The following TTYH2 variants were observed in gnomAD, a reference collection of about 807,000 sequenced individuals.
TTYH2 encodes the protein tweety family member 2, also known as protein tweety homolog 2.
A neutral mutation model predicts 68.3 loss-of-function variants in TTYH2; 49 were observed. The ratio of observed to expected loss-of-function variants is 0.72; its 90% confidence interval spans 0.57 to 0.91. The LOEUF is 0.91. Among genes scored for constraint, TTYH2 ranks in the 40% least tolerant of loss-of-function variants. The probability of loss-of-function intolerance (pLI) is 0.00; values close to 1 mark genes in which losing one functional copy is unlikely to be tolerated. For missense variants in TTYH2, 631 were observed against 700.4 expected (o/e 0.90, Z 1.12); for synonymous variants, 272 against 300.8 (o/e 0.90, Z 0.99).
chr17:74,243,499 A>G (rs774783904), intron 5 of TTYH2, 30 bp downstream of exon 5: 24 of 1,607,018 alleles, frequency 1.5e-5, no homozygotes, highest in Non-Finnish European at 1.9e-5. Flanking sequence ...GACCTGGGAC[A>G]AAGAGCTGGG....
chr17:74,221,259 C>T (rs1305494775), intron 1 of TTYH2, among the ~76,000 whole-genome samples: 1 of 152,248 alleles, frequency 6.6e-6, no homozygotes, highest in Non-Finnish European at 1.5e-5. Flanking sequence ...CCGCATCTCA[C>T]AGGGCTGGCA....
At chr17:74,248,251 CCCTAGAGCACCCCAGG>C in intron 6 of TTYH2, 3 of 985,308 alleles carry the variant, frequency 3.0e-6, no homozygotes, top group Non-Finnish European at 3.6e-6. Flanking sequence ...TTTATCCAGT[CCCTAGAGCACCCCAGG>C]CCAGATCTGG....
chr17:74,251,656 T>TC (rs35417837), intron 10 of TTYH2, among the ~76,000 whole-genome samples: 39,606 of 151,782 alleles, frequency 0.26, 5,601 homozygotes, highest in African/African-American at 0.35. Flanking sequence ...AGTGGCCTCT[T>TC]CCCACTTTCT....
At chr17:74,242,946 A>G (rs2143759173) in intron 4 of TTYH2, among the ~76,000 whole-genome samples, 2 of 152,320 alleles carry the variant, frequency 1.3e-5, no homozygotes, top group South Asian at 4.1e-4. Flanking sequence ...CCAGGGTGGT[A>G]GCCCCAGCCA....
chr17:74,242,623 C>A (rs570202106), intron 4 of TTYH2, among the ~76,000 whole-genome samples: 1 of 152,314 alleles, frequency 6.6e-6, no homozygotes, highest in Non-Finnish European at 1.5e-5. Context: ...GAACTCCTGG[C>A]CTCAAGTGAT....
chr17:74,260,538 G>T lies in TTYH2; in HGVS notation c.*329G>T, dbSNP rs757117106. Reference sequence around the variant, plus strand: ...CAGGAGGGGAGTGGCAGTGAGGAGGGGGCCAGGTCAGGCACCACCATCAAG... The same window carrying T: ...CAGGAGGGGAGTGGCAGTGAGGAGGTGGCCAGGTCAGGCACCACCATCAAG... On this transcript the variant is annotated 3_prime_UTR_variant, in exon 14 of 14. Coordinates refer to ENST00000269346, the MANE Select transcript of TTYH2 (RefSeq NM_032646.6). The T allele has an allele frequency of 2.9e-4, 106 of 366,718 alleles. No homozygotes were observed. The highest frequency in any genetic ancestry group is 4.9e-4 in the Non-Finnish European group (93 of 191,698). The allele number at this position is 366,718 out of a possible 1,614,324, so 22.7% of individuals were successfully genotyped here. A position where few individuals can be genotyped will look rare whatever the true frequency, so the allele number is the denominator to read the frequency against.
In TTYH2 at chr17:74,215,779, T is replaced by A; in HGVS notation, c.129+2063T>A. The A allele has an allele frequency of 6.8e-7, 1 of 1,461,528 alleles. No homozygotes were observed. Among genetic ancestry groups the A allele is most frequent in the Non-Finnish European group, 9.3e-7 (1 of 1,079,614 alleles). The allele number at this position is 1,461,528 out of a possible 1,614,324, so 90.5% of individuals were successfully genotyped here. A position where few individuals can be genotyped will look rare whatever the true frequency, so the allele number is the denominator to read the frequency against. On this transcript the variant is annotated intron_variant, in intron 1 of 13. Transcript: ENST00000269346. This position sits in a 1 kb window ranked among gnomAD's most constrained non-coding sequence, Gnocchi z 4.3. ...TTCTTTCCTCCTGAGCACCAGTCAC[T>A]AACAGAGTCAGGTGGACCGTCGGTC...
At chr17:74,220,600 C>T (rs1318457262) in intron 1 of TTYH2, among the ~76,000 whole-genome samples, 1 of 152,160 alleles carries the variant, frequency 6.6e-6, no homozygotes, top group African/African-American at 2.4e-5. Flanking sequence ...GGACTGAGGA[C>T]CAGAAGAGGG....
intron 6 of TTYH2, among the ~76,000 whole-genome samples, chr17:74,246,517 G>GA (rs2050559378): frequency 6.6e-6 from 1 of 152,040 alleles, no homozygotes; most frequent in Non-Finnish European, 1.5e-5. Flanking sequence ...GGTCACGGGG[G>GA]TCCCTTCAGA....
chr17:74,229,819 T>C (rs2050369193), intron 2 of TTYH2, among the ~76,000 whole-genome samples: 1 of 152,050 alleles, frequency 6.6e-6, no homozygotes, highest in Non-Finnish European at 1.5e-5. Context: ...AAGGCAAAAC[T>C]AAGGAGAAAG....
intron 2 of TTYH2, among the ~76,000 whole-genome samples, chr17:74,229,747 C>T (rs182378749): frequency 1.3e-5 from 2 of 152,288 alleles, no homozygotes; most frequent in South Asian, 2.1e-4. Flanking sequence ...TATTACTAAG[C>T]GAAAGAAGCC....
At chr17:74,223,605 C>T (rs1047970743) in intron 2 of TTYH2, among the ~76,000 whole-genome samples, 1 of 152,238 alleles carries the variant, frequency 6.6e-6, no homozygotes, top group African/African-American at 2.4e-5. Context: ...CACTCCACCC[C>T]AGCTGGCGTC....
chr17:74,258,870 A>G (rs1041908776), intron 13 of TTYH2, among the ~76,000 whole-genome samples: 1 of 151,874 alleles, frequency 6.6e-6, no homozygotes, highest in Non-Finnish European at 1.5e-5. Context: ...CGAAAACCTC[A>G]TGCTCCCTCC....
At chr17:74,231,902 G>A (rs1487244575) in intron 3 of TTYH2, among the ~76,000 whole-genome samples, 2 of 151,912 alleles carry the variant, frequency 1.3e-5, no homozygotes, top group African/African-American at 4.8e-5. Context: ...TGATACACAC[G>A]AGCCTTTTGC....
intron 3 of TTYH2, among the ~76,000 whole-genome samples, chr17:74,236,912 T>TTC (rs1555598932): frequency 2.1e-5 from 3 of 142,038 alleles, no homozygotes; most frequent in Non-Finnish European, 3.1e-5. Context: ...TTTTTTTTTT[T>TTC]CGACACAGAG....
At position 74,249,396 on chromosome 17, in the gene TTYH2, G is replaced by A. The variant is rs768117912; in HGVS notation, c.927G>A (p.Gln309=). ...GCCAGAGTGGAAGCAGCCCCTTCCA[G>A]CAGGTATGGCCCCCCGAGGCCTGCC... The part of the protein sequence containing the change: ...YCSQSGSSPF[Q]QTLTTFQRAL... Residue 309 remains glutamine, a synonymous_variant, in exon 8 of 14, where the codon CAG becomes CAA. Transcript: ENST00000269346. 6.8e-6 allele frequency: 11 copies of A among 1,613,870 alleles called. No homozygotes were observed. Among genetic ancestry groups the A allele is most frequent in the Non-Finnish European group, 8.5e-6 (10 of 1,180,018 alleles).
chr17:74,241,948 C>A lies in TTYH2; in HGVS notation c.636-1426C>A, dbSNP rs891712355. Among the ~76,000 whole-genome samples the A allele has an allele frequency of 6.6e-6, 1 of 152,146 alleles. No individual in the cohort carries two copies. Among genetic ancestry groups the A allele is most frequent in the Non-Finnish European group, 1.5e-5 (1 of 68,010 alleles). ...CTTTGTTTGGGGTCTTCTCAGTGTCCGTTGGCTTAAGATACTTTGATTCTT... is the reference window on the plus strand; with the variant it reads ...CTTTGTTTGGGGTCTTCTCAGTGTCAGTTGGCTTAAGATACTTTGATTCTT... On this transcript the variant is annotated intron_variant, in intron 4 of 13. Coordinates refer to ENST00000269346, the MANE Select transcript of TTYH2 (RefSeq NM_032646.6). The surrounding 1 kb of genome is among the most constrained non-coding windows in gnomAD (Gnocchi z 4.1).
intron 1 of TTYH2, among the ~76,000 whole-genome samples, chr17:74,218,392 G>C (rs564460806): frequency 1.1e-4 from 17 of 152,226 alleles, no homozygotes; most frequent in Admixed American, 3.9e-4. Flanking sequence ...GCTTCCAAAG[G>C]CTGGGCAGGG....
At chr17:74,248,009 A>G (rs1337681706) in intron 6 of TTYH2, 1 of 152,298 alleles carries the variant, frequency 6.6e-6, no homozygotes, top group Non-Finnish European at 1.5e-5. Context: ...CCTGCACGGC[A>G]CTGAGTAAGT....
Sources: gnomAD v4.1 joint callset for allele counts (sites outside exome capture counted in the v4.1 genomes callset) on GRCh38, gnomAD v4.1.1 for gene constraint, Gnocchi (gnomAD v3.1) non-coding constraint, MANE v1.5 for transcripts, NCBI Gene and HGNC (gene_info 2026-07-23, HGNC 2026-07-21) for gene names.